Variants in PLCB4 observed in about 807,000 individuals in gnomAD.
The protein encoded by PLCB4 is 1-phosphatidylinositol 4,5-bisphosphate phosphodiesterase beta-4.
In PLCB4, 77 loss-of-function variants were observed where a neutral mutation model predicts 178.8. The ratio of observed to expected loss-of-function variants is 0.43; its 90% confidence interval spans 0.36 to 0.52. PLCB4 has a LOEUF of 0.52. PLCB4 is among the 20% of genes least tolerant of loss of function. The probability of loss-of-function intolerance (pLI) is 0.00; values close to 1 mark genes in which losing one functional copy is unlikely to be tolerated. For missense variants in PLCB4, 1,024 were observed against 1,453.4 expected (o/e 0.70, Z 4.80); for synonymous variants, 496 against 490.8 (o/e 1.01, Z -0.14).
At chr20:9,215,820 A>G (rs750096862) in intron 2 of PLCB4, among the ~76,000 whole-genome samples, 18 of 152,312 alleles carry the variant, frequency 1.2e-4, no homozygotes, top group South Asian at 6.2e-4. Flanking sequence ...ATAACGATAT[A>G]TATGTCTGTG....
chr20:9,434,989 A>G (rs112370295), intron 28 of PLCB4, among the ~76,000 whole-genome samples: 106 of 152,332 alleles, frequency 7.0e-4, no homozygotes, highest in Middle Eastern at 3.4e-3. Context: ...AAATTCTACT[A>G]TCTTTTAAGT....
At chr20:9,289,296 A>G (rs1013570738) in intron 3 of PLCB4, among the ~76,000 whole-genome samples, 5 of 152,116 alleles carry the variant, frequency 3.3e-5, no homozygotes, top group Non-Finnish European at 5.9e-5. Context: ...CTAAGTGGCT[A>G]GATTGTGATG....
In PLCB4 at chr20:9,459,656, C is replaced by A; in HGVS notation, c.3094C>A (p.His1032Asn). The A allele has an allele frequency of 6.2e-7, 1 of 1,609,086 alleles. No homozygotes were observed. Among genetic ancestry groups the A allele is most frequent in the Admixed American group, 1.7e-5 (1 of 59,936 alleles). Reference sequence around the variant, plus strand: ...ACAGGTCAAAGAGATTGTAGCACAGCACACAAAGGAATGGTCAGAAATGAT... The same window carrying A: ...ACAGGTCAAAGAGATTGTAGCACAGAACACAAAGGAATGGTCAGAAATGAT... ...KSKVKEIVAQ[H>N]TKEWSEMINT... The change falls in exon 35 of 40, where the codon CAC becomes AAC. Residue 1032 changes from histidine (H) to asparagine (N), a missense_variant. Physicochemically the swap from His to Asn is moderately conservative, Grantham distance 68. This residue lies in a region of PLCB4 where 264 missense variants were observed against 283.2 expected (regional missense o/e 0.93). Transcript: ENST00000378473.
chr20:9,233,889 C>A (rs190112967), intron 3 of PLCB4, among the ~76,000 whole-genome samples: 1 of 152,164 alleles, frequency 6.6e-6, no homozygotes, highest in African/African-American at 2.4e-5. Context: ...GATAGGCATG[C>A]TCTGATTTCT....
intron 1 of PLCB4, among the ~76,000 whole-genome samples, chr20:9,088,322 A>G (rs6118481): frequency 0.47 from 70,797 of 151,882 alleles, 17,322 homozygotes; most frequent in Middle Eastern, 0.56. Context: ...TGGCTTGGCC[A>G]TGTGTAGCAA....
intron 4 of PLCB4, among the ~76,000 whole-genome samples, chr20:9,314,175 T>G (rs780339382): frequency 2.0e-5 from 3 of 152,152 alleles, no homozygotes; most frequent in Non-Finnish European, 2.9e-5. Context: ...ATGGCCAGTG[T>G]CCACACCATC....
intron 32 of PLCB4, among the ~76,000 whole-genome samples, chr20:9,448,872 A>G (rs537137232): frequency 2.6e-5 from 4 of 152,218 alleles, no homozygotes; most frequent in Non-Finnish European, 5.9e-5. Context: ...CCAGATAGAA[A>G]GGAACAGTGG....
At chr20:9,221,450 A>G (rs2093797390) in intron 3 of PLCB4, among the ~76,000 whole-genome samples, 1 of 152,230 alleles carries the variant, frequency 6.6e-6, no homozygotes, top group Non-Finnish European at 1.5e-5. Context: ...AAGGGCACAC[A>G]AGACGATTAA....
intron 2 of PLCB4, among the ~76,000 whole-genome samples, chr20:9,115,950 T>C (rs2091764645): frequency 6.6e-6 from 1 of 152,026 alleles, no homozygotes; most frequent in African/African-American, 2.4e-5. Context: ...TAACAGGAAT[T>C]TGGGAAACAG....
At chr20:9,086,001 A>G (rs1310613358) in intron 1 of PLCB4, among the ~76,000 whole-genome samples, 3 of 152,202 alleles carry the variant, frequency 2.0e-5, no homozygotes. Context: ...CCTTTAAGCA[A>G]AATGATATGT....
chr20:9,273,094 C>T (rs545230926), intron 3 of PLCB4, among the ~76,000 whole-genome samples: 2 of 152,140 alleles, frequency 1.3e-5, no homozygotes, highest in South Asian at 4.2e-4. Context: ...AGAAAATAAA[C>T]AATGAGTTGA....
At chr20:9,438,854 A>G (rs2041941084) in intron 30 of PLCB4, among the ~76,000 whole-genome samples, 1 of 152,208 alleles carries the variant, frequency 6.6e-6, no homozygotes, top group South Asian at 2.1e-4. Flanking sequence ...AAGACATAAA[A>G]TGGTTGTTCT....
chr20:9,321,934 T>C (rs941967162), intron 4 of PLCB4, among the ~76,000 whole-genome samples: 1 of 131,414 alleles, frequency 7.6e-6, no homozygotes, highest in Admixed American at 7.1e-5. Flanking sequence ...ATGCCTGGCC[T>C]TTCTTTTTTT....
chr20:9,464,895 C>T (rs548076369), intron 35 of PLCB4, among the ~76,000 whole-genome samples: 1 of 152,270 alleles, frequency 6.6e-6, no homozygotes, highest in Non-Finnish European at 1.5e-5. Flanking sequence ...CTATTCCAAT[C>T]AACAGAAAAA....
At chr20:9,186,958 G>A (rs754260957) in intron 2 of PLCB4, among the ~76,000 whole-genome samples, 2 of 151,728 alleles carry the variant, frequency 1.3e-5, no homozygotes, top group African/African-American at 2.4e-5. Context: ...TTCCCTACCT[G>A]TTGTTTTATT....
At chr20:9,282,050 G>A (rs1371091831) in intron 3 of PLCB4, among the ~76,000 whole-genome samples, 1 of 151,862 alleles carries the variant, frequency 6.6e-6, no homozygotes, top group African/African-American at 2.4e-5. Context: ...TCTTTCCCTT[G>A]TTCCTTCCTC....
At chr20:9,457,538 T>C in intron 34 of PLCB4, 49 bp downstream of exon 34, 1 of 903,102 alleles carries the variant, frequency 1.1e-6, no homozygotes, top group Non-Finnish European at 1.9e-6. Context: ...AGACACTTTG[T>C]AATTTTTTAG....
intron 2 of PLCB4, among the ~76,000 whole-genome samples, chr20:9,126,771 CTTTTTT>C (rs34634088): frequency 8.4e-6 from 1 of 119,708 alleles, no homozygotes; most frequent in African/African-American, 3.0e-5. Context: ...ATTTCATTTG[CTTTTTT>C]TTTTTTTTTT....
At chr20:9,106,495 A>G (rs1322104229) in intron 2 of PLCB4, among the ~76,000 whole-genome samples, 4 of 151,978 alleles carry the variant, frequency 2.6e-5, no homozygotes, top group African/African-American at 9.7e-5. Context: ...CCAGAAATCA[A>G]AAATCACAGA....
Sources: allele counts gnomAD v4.1 joint callset (sites outside exome capture counted in the v4.1 genomes callset), GRCh38; gene constraint gnomAD v4.1.1; regional missense constraint gnomAD v4.1.1; transcripts MANE v1.5; gene names NCBI Gene and HGNC (gene_info 2026-07-23, HGNC 2026-07-21).